The following EML5 variants were observed in gnomAD, a reference collection of about 807,000 sequenced individuals.
The protein encoded by EML5 is EMAP like 5.
EML5 carries 120 observed loss-of-function variants against 250.0 expected under a neutral mutation model. The observed-to-expected ratio is 0.48, with a 90% CI of 0.41 to 0.56. The LOEUF is 0.56. Among genes scored for constraint, EML5 ranks in the 20% least tolerant of loss-of-function variants. EML5 has a pLI of 0.00. For synonymous variants in EML5, 771 were observed against 806.5 expected (o/e 0.96, Z 0.75); for missense variants, 2,006 against 2,437.6 (o/e 0.82, Z 3.73).
In EML5 at chr14:88,736,522, T is replaced by C; in HGVS notation, c.891A>G (p.Leu297=). 1.2e-6 allele frequency: 2 copies of C among 1,613,914 alleles called. No homozygotes were observed. The highest frequency in any genetic ancestry group is 2.2e-5 in the East Asian group (1 of 44,872). Reference sequence around the variant, plus strand: ...AAATTTCACTGTCCTGTGTTCCAACTAGAATGTGGTCACCTCGCCAACACA... The same window carrying C: ...AAATTTCACTGTCCTGTGTTCCAACCAGAATGTGGTCACCTCGCCAACACA... ...RSVCWRGDHI[L]VGTQDSEIFE... The change falls in exon 7 of 44, where the codon CTA becomes CTG. Residue 297 remains leucine, a synonymous_variant. Coordinates refer to ENST00000554922, the MANE Select transcript of EML5 (RefSeq NM_183387.3).
chr14:88,789,867 T>C (rs1348747820), intron 1 of EML5, among the ~76,000 whole-genome samples: 1 of 152,258 alleles, frequency 6.6e-6, no homozygotes, highest in Non-Finnish European at 1.5e-5. Flanking sequence ...CTAAGTAATA[T>C]TTGACCAATA....
chr14:88,697,064 T>C (rs1362001760), intron 14 of EML5, 112 bp from the exon 15 acceptor site: 7 of 692,386 alleles, frequency 1.0e-5, no homozygotes, highest in Non-Finnish European at 1.5e-5. Flanking sequence ...ACCACAGAAA[T>C]TTATTAAATA....
chr14:88,744,107 A>T lies in EML5; in HGVS notation c.457-16T>A, dbSNP rs1378465028. 6.6e-7 allele frequency: 1 copy of T among 1,514,828 alleles called. No individual in the cohort carries two copies. Among genetic ancestry groups the T allele is most frequent in the Non-Finnish European group, 8.9e-7 (1 of 1,119,888 alleles). 93.8% of individuals were successfully genotyped at this position (1,514,828 alleles called of 1,614,324 possible). A position where few individuals can be genotyped will look rare whatever the true frequency, so the allele number is the denominator to read the frequency against. Reference sequence around the variant, plus strand: ...TATCAAATATCTGTAAACAAATCAGATTCATGATTAAAATACTTATTTCCA... The same window carrying T: ...TATCAAATATCTGTAAACAAATCAGTTTCATGATTAAAATACTTATTTCCA... On this transcript the variant is annotated splice_polypyrimidine_tract_variant and intron_variant, in intron 3 of 43. Coordinates refer to ENST00000554922, the MANE Select transcript of EML5 (RefSeq NM_183387.3).
intron 1 of EML5, among the ~76,000 whole-genome samples, chr14:88,782,319 A>C (rs1361253939): frequency 6.6e-6 from 1 of 152,214 alleles, no homozygotes; most frequent in African/African-American, 2.4e-5. Context: ...CTAAGCGACA[A>C]AGAATTCAAG....
chr14:88,679,745 A>T (rs958863390), intron 21 of EML5, among the ~76,000 whole-genome samples: 2 of 152,156 alleles, frequency 1.3e-5, no homozygotes, highest in African/African-American at 4.8e-5. Flanking sequence ...TACAAAAAAA[A>T]ACTTTTTCAA....
chr14:88,770,162 T>C (rs1372031004), intron 1 of EML5, among the ~76,000 whole-genome samples: 1 of 152,162 alleles, frequency 6.6e-6, no homozygotes, highest in Non-Finnish European at 1.5e-5. Flanking sequence ...ATTCTCTGTT[T>C]AAGTAATGCT....
chr14:88,643,566 A>G (rs1235676416), intron 30 of EML5, among the ~76,000 whole-genome samples: 1 of 152,132 alleles, frequency 6.6e-6, no homozygotes, highest in Admixed American at 6.6e-5. Context: ...GGATTTTGGC[A>G]TCCCCAGGGG....
intron 7 of EML5, among the ~76,000 whole-genome samples, chr14:88,733,736 A>T (rs2084671868): frequency 6.6e-6 from 1 of 152,184 alleles, no homozygotes; most frequent in African/African-American, 2.4e-5. Flanking sequence ...TACCATAAAA[A>T]ACATCAGTAA....
At position 88,613,394 on chromosome 14, in the gene EML5, CATTT is replaced by C. The variant is rs2087125620; in HGVS notation, c.*2420_*2423del. 1 of 151,808 alleles carries C rather than the reference CATTT, an allele frequency of 6.6e-6. No homozygotes were observed. The highest frequency in any genetic ancestry group is 1.5e-5 in the Non-Finnish European group (1 of 68,018). The allele number at this position is 151,808 out of a possible 1,614,324, so 9.4% of individuals were successfully genotyped here. Reference sequence around the variant, plus strand: ...AATATCTGGAAATACTTTTAGCTATCATTTATAAAGATAGTTTTGTTCTCAGTTT... The same window carrying C: ...AATATCTGGAAATACTTTTAGCTATCATAAAGATAGTTTTGTTCTCAGTTT... On this transcript the variant is annotated 3_prime_UTR_variant, in exon 44 of 44. Coordinates refer to ENST00000554922, the MANE Select transcript of EML5 (RefSeq NM_183387.3).
chr14:88,702,670 C>T (rs2093238218), intron 13 of EML5, 38 bp from the exon 14 acceptor site: 2 of 1,432,476 alleles, frequency 1.4e-6, no homozygotes, highest in African/African-American at 1.4e-5. Flanking sequence ...TTAATTTTGG[C>T]CTTTTATCTG....
chr14:88,699,977 C>T (rs1375253216), intron 14 of EML5, among the ~76,000 whole-genome samples: 2 of 152,190 alleles, frequency 1.3e-5, no homozygotes, highest in African/African-American at 4.8e-5. Context: ...CATATATACA[C>T]ACACACATAC....
intron 27 of EML5, among the ~76,000 whole-genome samples, chr14:88,652,486 C>A (rs1211346855): frequency 6.6e-6 from 1 of 152,176 alleles, no homozygotes; most frequent in South Asian, 2.1e-4. Flanking sequence ...TCTGACGAAG[C>A]TTTCCTGTAG....
Position 88,626,872 on chromosome 14 carries a change from C to T in EML5, c.4706G>A (p.Arg1569Gln), listed in dbSNP as rs368772417. 1.3e-4 allele frequency: 210 copies of T among 1,613,756 alleles called. No homozygotes were observed. The highest frequency in any genetic ancestry group is 1.6e-4 in the Non-Finnish European group (187 of 1,179,852). ...TGCAATAGCGAGCATGGTCTGCATC[C>T]GGGCATCTTCCAGTGTGCTCAGTAG... is the stretch of plus-strand genomic sequence containing the variant. ...KGLLSTLEDA[R>Q]MQTMLAIAFG... is the part of the protein sequence containing the mutation. Residue 1569 changes from arginine to glutamine, a missense_variant, in exon 35 of 44, where the codon CGG becomes CAG. Transcript: ENST00000554922.
chr14:88,757,918 ACCACTCACTGCAG>A, intron 1 of EML5, among the ~76,000 whole-genome samples: 1 of 151,058 alleles, frequency 6.6e-6, no homozygotes, highest in East Asian at 1.9e-4. Flanking sequence ...TGACACAATC[ACCACTCACTGCAG>A]CCTCGACCTC....
At chr14:88,727,131 A>G (rs2093678498) in intron 7 of EML5, among the ~76,000 whole-genome samples, 1 of 152,180 alleles carries the variant, frequency 6.6e-6, no homozygotes, top group African/African-American at 2.4e-5. Context: ...CATCTAATTG[A>G]ATAACAGTAA....
intron 39 of EML5, 111 bp from the exon 40 acceptor site, chr14:88,618,923 A>C (rs980738890): frequency 2.1e-5 from 22 of 1,065,616 alleles, no homozygotes; most frequent in Non-Finnish European, 2.6e-5. Flanking sequence ...ATAAGGCCTC[A>C]AATAGATTTA....
chr14:88,789,965 C>T (rs968969094), intron 1 of EML5, among the ~76,000 whole-genome samples: 1 of 152,286 alleles, frequency 6.6e-6, no homozygotes, highest in South Asian at 2.1e-4. Context: ...AAGGTTACAG[C>T]AACATTGGTT....
intron 6 of EML5, among the ~76,000 whole-genome samples, chr14:88,737,125 G>C (rs1406315333): frequency 6.6e-6 from 1 of 152,058 alleles, no homozygotes; most frequent in Non-Finnish European, 1.5e-5. Flanking sequence ...ACAAGAACTT[G>C]GAACTCACCA....
At chr14:88,642,751 G>T in intron 31 of EML5, 142 bp downstream of exon 31, 2 of 862,118 alleles carry the variant, frequency 2.3e-6, no homozygotes, top group Non-Finnish European at 3.5e-6. Context: ...AGAAAGTTCT[G>T]AAATATGAAA....
Sources: allele counts gnomAD v4.1 joint callset (sites outside exome capture counted in the v4.1 genomes callset), GRCh38; gene constraint gnomAD v4.1.1; transcripts MANE v1.5; gene names NCBI Gene and HGNC (gene_info 2026-07-23, HGNC 2026-07-21).